Variants in ARHGAP36 observed in about 807,000 individuals in gnomAD.
ARHGAP36 encodes rho GTPase-activating protein 36.
In ARHGAP36, 7 loss-of-function variants were observed where a neutral mutation model predicts 32.9. The ratio of observed to expected loss-of-function variants is 0.21; its 90% CI spans 0.12 to 0.40. The LOEUF is 0.40. Among genes scored for constraint, ARHGAP36 ranks in the 10% least tolerant of loss-of-function variants. The pLI, the probability that ARHGAP36 is intolerant of heterozygous loss-of-function variation, is 1.00. For synonymous variants in ARHGAP36, 165 were observed against 168.3 expected, an observed-to-expected ratio of 0.98 and a Z score of 0.15; for missense variants, 383 against 442.2, an observed-to-expected ratio of 0.87 and a Z score of 1.20.
intron 1 of ARHGAP36, among the ~76,000 whole-genome samples, chrX:131,065,946 G>A (rs778790115): frequency 1.8e-5 from 2 of 112,054 alleles, no homozygotes; most frequent in African/African-American, 6.5e-5. Flanking sequence ...TGACCTCTTT[G>A]CAGCAGTCTA....
intron 1 of ARHGAP36, among the ~76,000 whole-genome samples, chrX:131,062,264 G>A (rs949767307): frequency 1.8e-5 from 2 of 112,189 alleles, no homozygotes; most frequent in African/African-American, 6.5e-5. Context: ...ATCTATTAAG[G>A]TGGTGGGATA....
chrX:131,066,437 G>A (rs1243554657), intron 1 of ARHGAP36, among the ~76,000 whole-genome samples: 1 of 111,741 alleles, frequency 8.9e-6, no homozygotes, highest in African/African-American at 3.3e-5. Flanking sequence ...ACCAGCCTAC[G>A]GAGAGCTCCC....
chrX:131,062,971 T>A (rs941523200), intron 1 of ARHGAP36, among the ~76,000 whole-genome samples: 5 of 111,862 alleles, frequency 4.5e-5, no homozygotes, highest in Non-Finnish European at 9.4e-5. Flanking sequence ...TGGCAGACAT[T>A]TACTAGGTGG....
In ARHGAP36 at chrX:131,081,776, A is replaced by C; in HGVS notation, c.111A>C (p.Gly37=). 8.3e-7 allele frequency: 1 copy of C among 1,211,247 alleles called. No individual in the cohort carries two copies. Among genetic ancestry groups the C allele is most frequent in the South Asian group, 1.8e-5 (1 of 56,947 alleles). The change falls in exon 2 of 12, where the codon GGA becomes GGC. Residue 37 remains glycine, a synonymous_variant. Coordinates refer to ENST00000276211, the MANE Select transcript of ARHGAP36 (RefSeq NM_144967.4). ...AFIFLVSVLG[G]APGHNPDRRT... ...TTTTTTTAGTGAGTGTCTTGGGAGG[A>C]GCCCCAGGACACAACCCCGACCGCA...
rs1337627694 is a variant in ARHGAP36 at position 131,088,875 on chromosome X, G to A, written c.*90G>A. 9.1e-7 allele frequency: 1 copy of A among 1,100,627 alleles called. No homozygotes were observed. The highest frequency in any genetic ancestry group is 3.1e-5 in the East Asian group (1 of 32,465). The allele number at this position is 1,100,627 out of a possible 1,213,427, so 90.7% of individuals were successfully genotyped here. A position where few individuals can be genotyped will look rare whatever the true frequency, so the allele number is the denominator to read the frequency against. On this transcript the variant is annotated 3_prime_UTR_variant, in exon 12 of 12. Coordinates refer to ENST00000276211, the MANE Select transcript of ARHGAP36 (RefSeq NM_144967.4). Reference sequence around the variant, plus strand: ...GGAAACATTAAGGAGAGAGTTGAAGGTAAAGATCTGAAGGTAAGAAGGAGT... The same window carrying A: ...GGAAACATTAAGGAGAGAGTTGAAGATAAAGATCTGAAGGTAAGAAGGAGT...
At position 131,081,570 on chromosome X, in the gene ARHGAP36, A is replaced by T; in HGVS notation, c.-96A>T. The stretch of plus-strand genomic sequence containing the variant: ...CTGCTTGAGGGTGAAGCCGCCTCCC[A>T]GTTTTCCCTCCCCCTCTACCCCCAC... On this transcript the variant is annotated 5_prime_UTR_variant, in exon 2 of 12. Coordinates refer to ENST00000276211, the MANE Select transcript of ARHGAP36 (RefSeq NM_144967.4). 9.2e-7 allele frequency: 1 copy of T among 1,091,912 alleles called. No individual in the cohort carries two copies. Among genetic ancestry groups the T allele is most frequent in the Non-Finnish European group, 1.2e-6 (1 of 834,474 alleles). 90.0% of individuals were successfully genotyped at this position (1,091,912 alleles called of 1,213,427 possible).
intron 1 of ARHGAP36, chrX:131,078,618 C>T: frequency 2.1e-6 from 1 of 476,817 alleles, no homozygotes; most frequent in Non-Finnish European, 3.1e-6. Context: ...TGTTATGTGC[C>T]TCTCTCATAG....
In ARHGAP36 at chrX:131,088,691, C is replaced by T. The variant is rs371444281; in HGVS notation, c.1550C>T (p.Ala517Val). Residue 517 changes from alanine (A) to valine (V), a missense_variant, in exon 12 of 12, where the codon GCG becomes GTG. Transcript: ENST00000276211. ...CGTTCCCATGACGATGAGGAAGGAGCGGGTAACCCTCCCATTCCGGAGCAA... is the reference window on the plus strand; with the variant it reads ...CGTTCCCATGACGATGAGGAAGGAGTGGGTAACCCTCCCATTCCGGAGCAA... Reference protein sequence around the residue: ...TARSHDDEEGAGNPPIPEQDR... With the variant: ...TARSHDDEEGVGNPPIPEQDR... The T allele has an allele frequency of 3.2e-5, 39 of 1,209,970 alleles. No individual in the cohort carries two copies. The highest frequency in any genetic ancestry group is 5.9e-5 in the East Asian group (2 of 33,754).
At position 131,073,288 on chromosome X, in the gene ARHGAP36, C is replaced by T. The variant is rs1473538159; in HGVS notation, c.-142-8236C>T. 3.5e-5 allele frequency among the ~76,000 whole-genome samples: 4 copies of T among 113,122 alleles called. No homozygotes were observed. In the East Asian group the frequency reaches 1.1e-3, roughly 32 times the overall value. On this transcript the variant is annotated intron_variant, in intron 1 of 11. Coordinates refer to ENST00000276211, the MANE Select transcript of ARHGAP36 (RefSeq NM_144967.4). ...TTTACAGGTTCTGCGCTGCCTGGAG[C>T]TACCCAGGGGCAGGACCCGCGCAGC... is the stretch of plus-strand genomic sequence containing the variant.
At chrX:131,076,871 T>A in intron 1 of ARHGAP36, among the ~76,000 whole-genome samples, 1 of 111,985 alleles carries the variant, frequency 8.9e-6, no homozygotes, top group Middle Eastern at 4.6e-3. Context: ...TTTCTGAAAC[T>A]TTCTTATTTT....
At chrX:131,072,194 G>C (rs1005666985) in intron 1 of ARHGAP36, among the ~76,000 whole-genome samples, 2 of 111,560 alleles carry the variant, frequency 1.8e-5, no homozygotes, top group African/African-American at 6.5e-5. Flanking sequence ...TGGGGGGCAG[G>C]GGTGGGAGAC....
intron 1 of ARHGAP36, chrX:131,072,972 C>T (rs1231123885): frequency 8.9e-6 from 1 of 111,892 alleles, no homozygotes; most frequent in African/African-American, 3.3e-5. Context: ...GAGCAGGTCA[C>T]GCAGCCTTTC....
chrX:131,073,276 C>A (rs777835443), intron 1 of ARHGAP36, among the ~76,000 whole-genome samples: 1 of 113,081 alleles, frequency 8.8e-6, no homozygotes, highest in Non-Finnish European at 1.9e-5. Context: ...ACAGGTTCTG[C>A]GCTGCCTGGA....
Position 131,081,740 on chromosome X carries a change from G to A in ARHGAP36, c.75G>A (p.Leu25=). Residue 25 remains leucine, a synonymous_variant, in exon 2 of 12, where the codon TTG becomes TTA. Coordinates refer to ENST00000276211, the MANE Select transcript of ARHGAP36 (RefSeq NM_144967.4). The part of the protein sequence containing the change: ...CPRIMPPLLL[L]SAFIFLVSVL... ...GAATCATGCCCCCTTTGCTGTTGTT[G>A]TCCGCCTTCATTTTTTTAGTGAGTG... The A allele has an allele frequency of 8.3e-7, 1 of 1,211,842 alleles. No individual in the cohort carries two copies. The highest frequency in any genetic ancestry group is 1.8e-5 in the South Asian group (1 of 57,001).
In ARHGAP36 at chrX:131,089,058, G is replaced by A. The variant is rs897842105; in HGVS notation, c.*273G>A. The A allele has an allele frequency of 1.4e-5, 4 of 279,667 alleles. No individual in the cohort carries two copies. Among genetic ancestry groups the A allele is most frequent in the Non-Finnish European group, 1.8e-5 (3 of 162,171 alleles). The allele number at this position is 279,667 out of a possible 1,213,427, so 23.0% of individuals were successfully genotyped here. ...GCCTTTCTCTTTTACCCCTGATCTT[G>A]GCTTTCTCTCTCTCTCTGCAGACTT... On this transcript the variant is annotated 3_prime_UTR_variant, in exon 12 of 12. Transcript: ENST00000276211.
At chrX:131,081,447 C>G in intron 1 of ARHGAP36, 77 bp from the exon 2 acceptor site, 2 of 768,528 alleles carry the variant, frequency 2.6e-6, no homozygotes, top group Middle Eastern at 5.4e-4. Context: ...CTTTTTTTTT[C>G]TAATTAGGTT....
intron 1 of ARHGAP36, among the ~76,000 whole-genome samples, chrX:131,079,976 G>T (rs998132845): frequency 9.0e-6 from 1 of 111,696 alleles, no homozygotes; most frequent in African/African-American, 3.3e-5. Flanking sequence ...CTTGCCTCTT[G>T]GCTCATCTAC....
intron 2 of ARHGAP36, among the ~76,000 whole-genome samples, chrX:131,082,717 C>T (rs1172740271): frequency 8.8e-6 from 1 of 113,089 alleles, no homozygotes; most frequent in Non-Finnish European, 1.9e-5. Context: ...GTCGCCGCTT[C>T]TCCTACCGCA....
intron 1 of ARHGAP36, among the ~76,000 whole-genome samples, chrX:131,066,948 A>G (rs1173567073): frequency 8.9e-6 from 1 of 112,064 alleles, no homozygotes; most frequent in Non-Finnish European, 1.9e-5. Context: ...TATTATTACA[A>G]CTATCCTTGC....
Sources: gnomAD v4.1 joint callset for allele counts (sites outside exome capture counted in the v4.1 genomes callset) on GRCh38, gnomAD v4.1.1 for gene constraint, MANE v1.5 for transcripts, NCBI Gene and HGNC (gene_info 2026-07-23, HGNC 2026-07-21) for gene names.